ZSCAN5C: variants seen among roughly 807,000 people sequenced by gnomAD.
ZSCAN5C encodes zinc finger and SCAN domain containing 5C, also known as zinc finger and SCAN domain-containing protein 5C.
In ZSCAN5C, 11 loss-of-function variants were observed where a neutral mutation model predicts 17.3. The observed-to-expected ratio is 0.64, with a 90% CI of 0.40 to 1.06. The LOEUF (loss-of-function observed/expected upper bound fraction) is 1.06, where lower values mean the gene tolerates loss of function less well. Among genes scored for constraint, ZSCAN5C ranks in the 50% least tolerant of loss-of-function variants. ZSCAN5C has a pLI of 0.00. For synonymous variants in ZSCAN5C, 229 were observed against 208.4 expected (o/e 1.10, Z -0.85); for missense variants, 698 against 538.9 (o/e 1.30, Z -2.92).
chr19:56,207,911 A>G (rs574506915), intron 3 of ZSCAN5C, 123 bp from the exon 4 acceptor site: 2 of 612,136 alleles, frequency 3.3e-6, no homozygotes, highest in Admixed American at 2.8e-5. Context: ...CCAGAGAACC[A>G]AACAGTGAAA....
At chr19:56,203,889 T>A (rs2032895508) in intron 1 of ZSCAN5C, among the ~76,000 whole-genome samples, 1 of 151,816 alleles carries the variant, frequency 6.6e-6, no homozygotes, top group African/African-American at 2.4e-5. Context: ...CCTCAGGTGA[T>A]CCGCCCATCT....
rs111254240 is a variant in ZSCAN5C, at chr19:56,206,870, A to C, written c.385-189A>C. Among the ~76,000 whole-genome samples, 223 of 151,996 alleles carry C rather than the reference A, an allele frequency of 1.5e-3. 9 individuals carry two copies. The highest frequency in any genetic ancestry group is 4.9e-3 in the African/African-American group (201 of 41,292). ...TTCTCTTTGGTTTAGAGACCCTTTC[A>C]TCTAAAGGACTCATATTTATATACT... On this transcript the variant is annotated intron_variant, in intron 2 of 4. Transcript: ENST00000534327.
intron 1 of ZSCAN5C, 110 bp downstream of exon 1, chr19:56,202,432 T>C (rs1255681349): frequency 6.6e-6 from 1 of 151,950 alleles, no homozygotes. Flanking sequence ...GGTTGGGGTG[T>C]TGGTTTCAGA....
exon 2 of ZSCAN5C, chr19:56,205,901 T>C (rs776523686): frequency 1.6e-5 from 17 of 1,039,298 alleles, no homozygotes; most frequent in Non-Finnish European, 2.2e-5. Context: ...GATTGAAATA[T>C]TCCCCAGTAG....
exon 2 of ZSCAN5C, chr19:56,205,824 C>G: frequency 1.6e-6 from 1 of 620,532 alleles, no homozygotes; most frequent in Non-Finnish European, 2.9e-6. Flanking sequence ...CTGAGAAAAA[C>G]CAGGGGTGGC....
chr19:56,205,776 T>C lies in ZSCAN5C; in HGVS notation c.-127-11T>C. On this transcript the variant is annotated splice_polypyrimidine_tract_variant and intron_variant, in intron 1 of 4. Transcript: ENST00000534327. ...AAACTTTAACAGAGCTCATGCTTTT[T>C]TTCCCTGCAGACTTCTGAATGAACA... 1 of 585,848 alleles carries C rather than the reference T, an allele frequency of 1.7e-6. No individual in the cohort carries two copies. Among genetic ancestry groups the C allele is most frequent in the Non-Finnish European group, 3.0e-6 (1 of 329,680 alleles). 36.3% of individuals were successfully genotyped at this position (585,848 alleles called of 1,614,324 possible).
chr19:56,208,661 C>T (rs776383541), exon 5 of ZSCAN5C: 10 of 1,612,464 alleles, frequency 6.2e-6, no homozygotes, highest in Non-Finnish European at 8.5e-6. Context: ...AGAAGCCACA[C>T]CTGTGGGCAA....
chr19:56,202,909 A>T (rs1435902806), intron 1 of ZSCAN5C, among the ~76,000 whole-genome samples: 1 of 151,988 alleles, frequency 6.6e-6, no homozygotes, highest in Non-Finnish European at 1.5e-5. Context: ...GGGTAAAATC[A>T]GCCATTGATG....
Position 56,209,132 on chromosome 19 carries a change from AG to A in ZSCAN5C, c.1424del (p.Arg475LysfsTer9). The A allele has an allele frequency of 6.5e-7, 1 of 1,528,900 alleles. No homozygotes were observed. Among genetic ancestry groups the A allele is most frequent in the Non-Finnish European group, 9.0e-7 (1 of 1,109,444 alleles). The allele number at this position is 1,528,900 out of a possible 1,614,324, so 94.7% of individuals were successfully genotyped here. On this transcript the variant is annotated frameshift_variant, in exon 5 of 5. Transcript: ENST00000534327. LOFTEE classifies it low-confidence loss of function (END_TRUNC). Reference sequence around the variant, plus strand: ...ACCCCACAAATGTTCCAAGTGTCCAAGAGCCTTCGGTCGGCCGGCGACCTTA... The same window carrying A: ...ACCCCACAAATGTTCCAAGTGTCCAAAGCCTTCGGTCGGCCGGCGACCTTA...
In ZSCAN5C at chr19:56,208,976, CAGAAGTCCTACTTGA is replaced by C. The variant is rs1568592180; in HGVS notation, c.1270_1284del (p.Lys424_Lys428del). ...TGACATCTGCCAGAAGCAGTTCACC[CAGAAGTCCTACTTGA>C]AGTGTCACAAGAGAAGCCACACAGG... is the stretch of plus-strand genomic sequence containing the variant. On this transcript the variant is annotated inframe_deletion, in exon 5 of 5. Coordinates refer to ENST00000534327, the Ensembl canonical transcript of ZSCAN5C. 3 of 1,613,478 alleles carry C rather than the reference CAGAAGTCCTACTTGA, an allele frequency of 1.9e-6. No individual in the cohort carries two copies. The South Asian group carries it at 3.3e-5, about 18-fold the overall frequency.
chr19:56,209,129 C>A (rs1017940254), exon 5 of ZSCAN5C: 3 of 1,535,860 alleles, frequency 2.0e-6, no homozygotes, highest in Non-Finnish European at 2.7e-6. Flanking sequence ...TTCCAAGTGT[C>A]CAAGAGCCTT....
At chr19:56,205,998 C>G in exon 2 of ZSCAN5C, 1 of 1,601,564 alleles carries the variant, frequency 6.2e-7, no homozygotes, top group Non-Finnish European at 8.6e-7. Context: ...CATGCCATCC[C>G]CAGCAACTCA....
intron 1 of ZSCAN5C, among the ~76,000 whole-genome samples, chr19:56,203,337 G>A (rs571236905): frequency 6.6e-6 from 1 of 151,946 alleles, no homozygotes; most frequent in South Asian, 2.1e-4. Flanking sequence ...CGTATTTATG[G>A]TGTACAGCAT....
At chr19:56,209,358 C>A, downstream of ZSCAN5C, 2 of 488,878 alleles carry the variant, frequency 4.1e-6, no homozygotes, top group East Asian at 3.1e-5. Context: ...TTTTCCTCCC[C>A]GGGGGAATTT....
intron 1 of ZSCAN5C, among the ~76,000 whole-genome samples, chr19:56,204,048 C>T (rs1022254652): frequency 3.3e-5 from 5 of 151,626 alleles, no homozygotes; most frequent in Non-Finnish European, 5.9e-5. Context: ...TGGGGTGTAC[C>T]TGTGCAGATG....
rs559968570 is a variant in ZSCAN5C, at chr19:56,208,955, A to G, written c.1246A>G (p.Ile416Val). 2.9e-4 allele frequency: 463 copies of G among 1,613,532 alleles called. 1 individual carries two copies. The highest frequency in any genetic ancestry group is 3.3e-4 in the Non-Finnish European group (392 of 1,179,720). The stretch of plus-strand genomic sequence containing the variant: ...TGGCGAGAGGCCCTACACGTGTGAC[A>G]TCTGCCAGAAGCAGTTCACCCAGAA... Residue 416 changes from isoleucine to valine, a missense_variant, in exon 5 of 5, where the codon ATC (isoleucine) becomes GTC (valine). Transcript: ENST00000534327.
At chr19:56,207,840 G>C (rs2146340700) in intron 3 of ZSCAN5C, among the ~76,000 whole-genome samples, 194 bp from the exon 4 acceptor site, 1 of 152,028 alleles carries the variant, frequency 6.6e-6, no homozygotes, top group South Asian at 2.1e-4. Context: ...CCTCCACCTA[G>C]AGTCATGCTC....
At chr19:56,204,927 A>G (rs2032905227) in intron 1 of ZSCAN5C, among the ~76,000 whole-genome samples, 1 of 151,854 alleles carries the variant, frequency 6.6e-6, no homozygotes, top group Non-Finnish European at 1.5e-5. Context: ...AGGTTTAGGA[A>G]TTAATTTTTA....
chr19:56,208,078 C>A (rs1177988154), exon 4 of ZSCAN5C: 2 of 763,180 alleles, frequency 2.6e-6, no homozygotes, highest in East Asian at 4.9e-5. Flanking sequence ...TGAAAGGTGA[C>A]CCAAAGGCTC....
Sources: gnomAD v4.1 joint callset for allele counts (sites outside exome capture counted in the v4.1 genomes callset) on GRCh38, gnomAD v4.1.1 for gene constraint, MANE v1.5 for transcripts, NCBI Gene and HGNC (gene_info 2026-07-23, HGNC 2026-07-21) for gene names.